ARFIP1: variants seen among roughly 807,000 people sequenced by gnomAD.
The protein encoded by ARFIP1 is ARF interacting protein 1, also known as arfaptin-1.
A neutral mutation model predicts 42.5 loss-of-function variants in ARFIP1; 24 were observed. The ratio of observed to expected loss-of-function variants is 0.57; its 90% CI spans 0.41 to 0.80. ARFIP1 has a LOEUF of 0.80. ARFIP1 is among the 30% of genes least tolerant of loss of function. The probability of loss-of-function intolerance (pLI) is 0.00; values close to 1 mark genes in which losing one functional copy is unlikely to be tolerated. For synonymous variants in ARFIP1, 141 were observed against 153.7 expected (o/e 0.92, Z 0.61); for missense variants, 354 against 434.0 (o/e 0.82, Z 1.64).
At position 152,881,083 on chromosome 4, in the gene ARFIP1, C is replaced by G; in HGVS notation, c.532C>G (p.Leu178Val). 6.2e-7 allele frequency: 1 copy of G among 1,613,882 alleles called. No homozygotes were observed. The highest frequency in any genetic ancestry group is 8.5e-7 in the Non-Finnish European group (1 of 1,179,844). The part of the protein sequence containing the change: ...NKKKYENILK[L>V]AQTLSTQLFQ... The stretch of plus-strand genomic sequence containing the variant: ...GAAAAAATATGAAAATATTTTAAAA[C>G]TGGCTCAAACATTGTCGACCCAGCT... The change falls in exon 6 of 9, where the codon CTG becomes GTG. Residue 178 changes from leucine (L) to valine (V), a missense_variant. By Grantham distance (32) the Leu-to-Val change is conservative. Coordinates refer to ENST00000353617, the MANE Select transcript of ARFIP1 (RefSeq NM_001025595.3).
At chr4:152,784,928 A>G (rs1231535732) in intron 1 of ARFIP1, among the ~76,000 whole-genome samples, 6 of 152,232 alleles carry the variant, frequency 3.9e-5, no homozygotes, top group Admixed American at 3.3e-4. Flanking sequence ...GGGAACAGTG[A>G]CATACTGCCT....
chr4:152,908,891 A>AGTGTGTGTGTGTGTGTGTGTGTGT (rs58362465), intron 8 of ARFIP1, among the ~76,000 whole-genome samples: 1 of 132,464 alleles, frequency 7.5e-6, no homozygotes, highest in African/African-American at 2.9e-5. Context: ...GCTAGAGAGA[A>AGTGTGTGTGTGTGTGTGTGTGTGT]GTGTGTGTGT....
intron 1 of ARFIP1, among the ~76,000 whole-genome samples, chr4:152,810,676 C>T (rs537348633): frequency 1.2e-3 from 184 of 151,896 alleles, no homozygotes; most frequent in Non-Finnish European, 2.1e-3. Context: ...ATTAGCTGGG[C>T]GTGGTGGCGG....
At chr4:152,870,924 ACTTG>A in intron 4 of ARFIP1, 76 bp downstream of exon 4, 1 of 1,273,178 alleles carries the variant, frequency 7.9e-7, no homozygotes, top group Admixed American at 1.8e-5. Flanking sequence ...TTTCATAATC[ACTTG>A]CTTTATATTC....
chr4:152,794,694 A>T (rs1731331546), intron 1 of ARFIP1, among the ~76,000 whole-genome samples: 2 of 152,094 alleles, frequency 1.3e-5, no homozygotes, highest in African/African-American at 4.8e-5. Context: ...TATTTGCCTG[A>T]TGTTGATTGT....
intron 1 of ARFIP1, among the ~76,000 whole-genome samples, chr4:152,817,020 C>CT (rs1274381958): frequency 6.6e-6 from 1 of 152,166 alleles, no homozygotes; most frequent in Non-Finnish European, 1.5e-5. Flanking sequence ...GCCAAAAACA[C>CT]TTTAAGTTTC....
At chr4:152,804,396 A>T in intron 1 of ARFIP1, among the ~76,000 whole-genome samples, 1 of 104,240 alleles carries the variant, frequency 9.6e-6, no homozygotes, top group African/African-American at 3.9e-5. Flanking sequence ...ATTATATATT[A>T]TATATAATAT....
intron 1 of ARFIP1, among the ~76,000 whole-genome samples, chr4:152,790,779 G>A (rs1731102294): frequency 6.9e-6 from 1 of 144,046 alleles, no homozygotes; most frequent in Admixed American, 7.0e-5. Context: ...TGTTGCCCAG[G>A]CTGGAGTGTA....
At chr4:152,844,882 C>T (rs1732408520) in intron 2 of ARFIP1, among the ~76,000 whole-genome samples, 3 of 151,746 alleles carry the variant, frequency 2.0e-5, no homozygotes, top group Admixed American at 2.0e-4. Context: ...TCATATAGAA[C>T]CAAAAAAAGA....
chr4:152,894,207 C>CAA lies in ARFIP1; in HGVS notation c.966+5914_966+5915dup, dbSNP rs767223798. Among the ~76,000 whole-genome samples, 43 of 82,992 alleles carry CAA rather than the reference C, an allele frequency of 5.2e-4. 1 individual carries two copies. Among genetic ancestry groups the CAA allele is most frequent in the African/African-American group, 8.6e-4 (20 of 23,202 alleles). 54.4% of individuals were successfully genotyped at this position (82,992 alleles called of 152,430 possible). ...TAGATGACAGAGCGAGACTCTGTCTCAAAAAAAAAAAAAAAGAAAGAAAAA... is the reference window on the plus strand; with the variant it reads ...TAGATGACAGAGCGAGACTCTGTCTCAAAAAAAAAAAAAAAAAGAAAGAAAAA... On this transcript the variant is annotated intron_variant, in intron 8 of 8. Transcript: ENST00000353617.
chr4:152,792,987 A>G (rs1731224007), intron 1 of ARFIP1, among the ~76,000 whole-genome samples: 1 of 152,126 alleles, frequency 6.6e-6, no homozygotes, highest in Admixed American at 6.6e-5. Flanking sequence ...AGATGACTTA[A>G]TGACATTTTG....
rs34697452 is a variant in ARFIP1 at position 152,895,551 on chromosome 4, CTTTTTTTTTTT to C, written c.966+7261_966+7271del. On this transcript the variant is annotated intron_variant, in intron 8 of 8. Transcript: ENST00000353617. ...ACTGGTACATGCCACTGCACTTGGC[CTTTTTTTTTTT>C]TTTTTTTTTTTTTTTTGAGATAGGG... 7.8e-5 allele frequency among the ~76,000 whole-genome samples: 5 copies of C among 63,916 alleles called. 1 individual carries two copies. The highest frequency in any genetic ancestry group is 6.5e-4 in the South Asian group (1 of 1,542). 41.9% of individuals were successfully genotyped at this position (63,916 alleles called of 152,430 possible).
intron 2 of ARFIP1, among the ~76,000 whole-genome samples, chr4:152,834,549 C>T (rs575139229): frequency 6.6e-6 from 1 of 152,296 alleles, no homozygotes; most frequent in Admixed American, 6.5e-5. Context: ...AATCTGAAAC[C>T]CAGCAGGGAA....
chr4:152,894,775 T>C (rs1304815665), intron 8 of ARFIP1, among the ~76,000 whole-genome samples: 1 of 152,204 alleles, frequency 6.6e-6, no homozygotes, highest in Admixed American at 6.5e-5. Context: ...TCATGCAACT[T>C]TAATTCCAGA....
At chr4:152,791,061 A>G (rs990930470) in intron 1 of ARFIP1, among the ~76,000 whole-genome samples, 19 of 152,038 alleles carry the variant, frequency 1.2e-4, no homozygotes, top group Admixed American at 2.6e-4. Context: ...TTAATAAGCA[A>G]CCTGAACTTA....
intron 1 of ARFIP1, among the ~76,000 whole-genome samples, chr4:152,817,071 T>G (rs1729952132): frequency 6.6e-6 from 1 of 152,234 alleles, no homozygotes; most frequent in Non-Finnish European, 1.5e-5. Context: ...TTTTATCTCA[T>G]GCACATTGCC....
At chr4:152,847,087 A>G (rs1183340865) in intron 2 of ARFIP1, among the ~76,000 whole-genome samples, 1 of 124,028 alleles carries the variant, frequency 8.1e-6, no homozygotes, top group African/African-American at 3.1e-5. Context: ...CCAGCAGTTT[A>G]GTCATTGCCT....
At chr4:152,796,784 C>A in intron 1 of ARFIP1, 2 of 709,254 alleles carry the variant, frequency 2.8e-6, no homozygotes, top group Non-Finnish European at 5.2e-6. Context: ...TCATGGTAAT[C>A]CAAATGGTAT....
chr4:152,911,008 A>G lies in ARFIP1; in HGVS notation c.*789A>G, dbSNP rs1318970792. 2 of 152,638 alleles carry G rather than the reference A, an allele frequency of 1.3e-5. No individual in the cohort carries two copies. Among genetic ancestry groups the G allele is most frequent in the Non-Finnish European group, 2.9e-5 (2 of 68,032 alleles). The allele number at this position is 152,638 out of a possible 1,614,324, so 9.5% of individuals were successfully genotyped here. A position where few individuals can be genotyped will look rare whatever the true frequency, so the allele number is the denominator to read the frequency against. ...AAATTCTTAATGGTTTCTGGAGTAG[A>G]AATCTGTACTTAGAAAACTAGTTTT... On this transcript the variant is annotated 3_prime_UTR_variant, in exon 9 of 9. Transcript: ENST00000353617.
Sources: allele counts gnomAD v4.1 joint callset (sites outside exome capture counted in the v4.1 genomes callset), GRCh38; gene constraint gnomAD v4.1.1; transcripts MANE v1.5; gene names NCBI Gene and HGNC (gene_info 2026-07-23, HGNC 2026-07-21).